TMEM132D: variants seen among roughly 807,000 people sequenced by gnomAD.
TMEM132D encodes transmembrane protein 132D.
A neutral mutation model predicts 62.3 loss-of-function variants in TMEM132D; 21 were observed. The observed-to-expected ratio is 0.34, with a 90% CI of 0.24 to 0.49. TMEM132D has a LOEUF of 0.49. Among genes scored for constraint, TMEM132D ranks in the 20% least tolerant of loss-of-function variants. The pLI is 0.99. For missense variants in TMEM132D, 1,346 were observed against 1,402.8 expected (o/e 0.96, Z 0.65); for synonymous variants, 621 against 575.6 (o/e 1.08, Z -1.13).
intron 5 of TMEM132D, among the ~76,000 whole-genome samples, chr12:129,097,209 A>C (rs1227109631): frequency 6.6e-6 from 1 of 152,230 alleles, no homozygotes; most frequent in Admixed American, 6.5e-5. Context: ...TGCCAGTAGC[A>C]TCCCTCTCTC....
At chr12:129,209,821 G>C in intron 4 of TMEM132D, 158 bp from the exon 5 acceptor site, 1 of 954,940 alleles carries the variant, frequency 1.0e-6, no homozygotes. Context: ...GCTGACCGTG[G>C]CAGCCATGAG....
intron 5 of TMEM132D, among the ~76,000 whole-genome samples, chr12:129,122,038 C>T (rs1249039562): frequency 2.0e-5 from 3 of 152,120 alleles, no homozygotes; most frequent in Non-Finnish European, 2.9e-5. Flanking sequence ...CCGAGGCAGC[C>T]CTAGAATGCA....
intron 2 of TMEM132D, among the ~76,000 whole-genome samples, chr12:129,553,146 C>T (rs1317181192): frequency 6.6e-6 from 1 of 152,114 alleles, no homozygotes; most frequent in Non-Finnish European, 1.5e-5. Flanking sequence ...GCGTTTGCTC[C>T]CAGCTGTGTC....
chr12:129,888,261 A>AT (rs1874807555), intron 1 of TMEM132D, among the ~76,000 whole-genome samples: 1 of 152,230 alleles, frequency 6.6e-6, no homozygotes. Flanking sequence ...CTTACATTTC[A>AT]TTTACACAAA....
intron 4 of TMEM132D, among the ~76,000 whole-genome samples, chr12:129,300,910 C>A (rs1767612474): frequency 6.6e-6 from 1 of 152,174 alleles, no homozygotes; most frequent in African/African-American, 2.4e-5. Context: ...TGCTTCACTT[C>A]AACCTTTCCT....
At chr12:129,860,092 A>G (rs999921391) in intron 1 of TMEM132D, among the ~76,000 whole-genome samples, 1 of 152,304 alleles carries the variant, frequency 6.6e-6, no homozygotes, top group Admixed American at 6.5e-5. Flanking sequence ...GGGGACTCAC[A>G]CTGCCCTTGG....
At chr12:129,566,581 G>A (rs1437645070) in intron 2 of TMEM132D, among the ~76,000 whole-genome samples, 4 of 152,094 alleles carry the variant, frequency 2.6e-5, no homozygotes, top group Non-Finnish European at 5.9e-5. Flanking sequence ...AGCAGACTTT[G>A]AAAGAAATCA....
chr12:129,138,334 A>G (rs1479056041), intron 5 of TMEM132D, among the ~76,000 whole-genome samples: 2 of 152,214 alleles, frequency 1.3e-5, no homozygotes, highest in African/African-American at 4.8e-5. Flanking sequence ...TTGGCTAGAT[A>G]TGACCCAAGG....
chr12:129,766,667 T>C (rs1870562754), intron 1 of TMEM132D, among the ~76,000 whole-genome samples: 2 of 152,152 alleles, frequency 1.3e-5, no homozygotes, highest in Admixed American at 6.5e-5. Context: ...GGGTCTGCAA[T>C]GGGTCTGTAT....
chr12:129,304,202 T>G (rs1189074386), intron 4 of TMEM132D, among the ~76,000 whole-genome samples: 1 of 152,228 alleles, frequency 6.6e-6, no homozygotes, highest in Non-Finnish European at 1.5e-5. Flanking sequence ...GTGGCTGGTG[T>G]GATCTTTCAA....
chr12:129,895,190 G>A lies in TMEM132D; in HGVS notation c.79+8071C>T, dbSNP rs539007114. On this transcript the variant is annotated intron_variant, in intron 1 of 8. Coordinates refer to ENST00000422113, the MANE Select transcript of TMEM132D (RefSeq NM_133448.3). ...AAAGCATAGCACCCCCCAGGTACAC[G>A]TCACCGTTGTGTGGACAACAGTGCT... 1.1e-4 allele frequency among the ~76,000 whole-genome samples: 16 copies of A among 152,306 alleles called. No homozygotes were observed. The South Asian group carries it at 2.3e-3, about 22-fold the overall frequency.
At chr12:129,475,114 C>G (rs1030478470) in intron 3 of TMEM132D, among the ~76,000 whole-genome samples, 5 of 152,066 alleles carry the variant, frequency 3.3e-5, no homozygotes, top group Non-Finnish European at 7.3e-5. Context: ...TGGGCAATTG[C>G]TATCAAAAGC....
intron 1 of TMEM132D, among the ~76,000 whole-genome samples, chr12:129,789,776 A>G (rs754806219): frequency 6.6e-6 from 1 of 152,122 alleles, no homozygotes; most frequent in Non-Finnish European, 1.5e-5. Flanking sequence ...TGTTGCCTAC[A>G]TTTTCACCCT....
intron 5 of TMEM132D, among the ~76,000 whole-genome samples, chr12:129,087,094 G>A (rs1874644315): frequency 6.6e-6 from 1 of 152,126 alleles, no homozygotes; most frequent in Non-Finnish European, 1.5e-5. Context: ...GTATTCAGCA[G>A]CATAACTGAA....
rs1870046377 is a variant in TMEM132D at position 129,356,307 on chromosome 12, C to T, written c.1116-18490G>A. 5.6e-5 allele frequency among the ~76,000 whole-genome samples: 4 copies of T among 70,930 alleles called. 1 individual carries two copies. The highest frequency in any genetic ancestry group is 9.9e-4 in the South Asian group (2 of 2,012). 46.5% of individuals were successfully genotyped at this position (70,930 alleles called of 152,430 possible). On this transcript the variant is annotated intron_variant, in intron 3 of 8. Transcript: ENST00000422113. ...AAGTAGCTGGGACTACAGGCGCCCG[C>T]CACTACGCCCGGCTAATTTTTTTGT... is the stretch of plus-strand genomic sequence containing the variant.
chr12:129,397,625 A>G (rs546042118), intron 3 of TMEM132D, among the ~76,000 whole-genome samples: 19 of 152,182 alleles, frequency 1.2e-4, no homozygotes, highest in Admixed American at 2.6e-4. Context: ...GTATCTTTCT[A>G]TTTCTTCTCC....
At chr12:129,533,593 A>G (rs1294789396) in intron 2 of TMEM132D, among the ~76,000 whole-genome samples, 1 of 152,226 alleles carries the variant, frequency 6.6e-6, no homozygotes, top group Non-Finnish European at 1.5e-5. Context: ...AATTTTATTC[A>G]TAAGTAGGCT....
chr12:129,900,568 G>A (rs1049173763), intron 1 of TMEM132D, among the ~76,000 whole-genome samples: 8 of 152,208 alleles, frequency 5.3e-5, no homozygotes, highest in Admixed American at 3.9e-4. Context: ...GGATGCACGT[G>A]AGGACTGTAA....
At chr12:129,811,960 T>C (rs557459620) in intron 1 of TMEM132D, among the ~76,000 whole-genome samples, 89 of 151,678 alleles carry the variant, frequency 5.9e-4, no homozygotes, top group Non-Finnish European at 9.1e-4. Context: ...ACCTGACACA[T>C]ATATTTCAAC....
Sources: allele counts gnomAD v4.1 joint callset (sites outside exome capture counted in the v4.1 genomes callset), GRCh38; gene constraint gnomAD v4.1.1; transcripts MANE v1.5; gene names NCBI Gene and HGNC (gene_info 2026-07-23, HGNC 2026-07-21).